FRMPD4: variants seen among roughly 807,000 people sequenced by gnomAD.
The protein encoded by FRMPD4 is FERM and PDZ domain containing 4, also known as FERM and PDZ domain-containing protein 4.
In FRMPD4, 22 loss-of-function variants were observed where a neutral mutation model predicts 94.1. The ratio of observed to expected loss-of-function variants is 0.23; its 90% CI spans 0.17 to 0.33. The LOEUF is 0.33. FRMPD4 is among the 10% of genes least tolerant of loss of function. The pLI is 1.00. For synonymous variants in FRMPD4, 631 were observed against 548.6 expected (o/e 1.15, Z -2.10); for missense variants, 1,111 against 1,339.9 (o/e 0.83, Z 2.67).
intron 1 of FRMPD4, among the ~76,000 whole-genome samples, chrX:12,446,304 C>A (rs1313194100): frequency 8.9e-6 from 1 of 112,353 alleles, no homozygotes; most frequent in Non-Finnish European, 1.9e-5. Flanking sequence ...GTCTATTTAA[C>A]TTTTCATACT....
At chrX:12,265,882 A>G (rs2054264849) in intron 1 of FRMPD4, among the ~76,000 whole-genome samples, 1 of 108,617 alleles carries the variant, frequency 9.2e-6, no homozygotes, top group African/African-American at 3.4e-5. Context: ...TAATCCCAGC[A>G]CTTTGGGAGG....
intron 4 of FRMPD4, among the ~76,000 whole-genome samples, chrX:12,670,515 G>A (rs1277768207): frequency 2.7e-5 from 3 of 112,214 alleles, no homozygotes; most frequent in East Asian, 2.8e-4. Flanking sequence ...TTAATAAATG[G>A]TGTTGGGAAA....
At chrX:12,015,759 A>G (rs1434317021) in intron 3 of FRMPD4, among the ~76,000 whole-genome samples, 1 of 112,143 alleles carries the variant, frequency 8.9e-6, no homozygotes, top group Non-Finnish European at 1.9e-5. Context: ...TTTGCCTATC[A>G]TCCTGTTTCT....
At chrX:11,878,672 C>T (rs901655281) in intron 3 of FRMPD4, among the ~76,000 whole-genome samples, 2 of 112,010 alleles carry the variant, frequency 1.8e-5, no homozygotes, top group Admixed American at 9.5e-5. Flanking sequence ...TAATTCTTTT[C>T]TTGGGGTTGT....
At chrX:12,364,030 T>G (rs1055671700) in intron 1 of FRMPD4, among the ~76,000 whole-genome samples, 5 of 111,649 alleles carry the variant, frequency 4.5e-5, no homozygotes, top group African/African-American at 1.6e-4. Context: ...GTTTAGAATC[T>G]ATGAGGTGTC....
rs960272289 is a variant in FRMPD4 at position 12,305,747 on chromosome X, T to G, written c.41+166735T>G. Among the ~76,000 whole-genome samples, 10 of 91,715 alleles carry G rather than the reference T, an allele frequency of 1.1e-4. No individual in the cohort carries two copies. The Admixed American group carries it at 1.3e-3, about 12-fold the overall frequency. The allele number at this position is 91,715 out of a possible 115,157, so 79.6% of individuals were successfully genotyped here. A position where few individuals can be genotyped will look rare whatever the true frequency, so the allele number is the denominator to read the frequency against. ...TAAGTTTTTTTTTTTTTTTTTTTTT[T>G]ACAGAGACAGGGTCTCACTATGTTG... On this transcript the variant is annotated intron_variant, in intron 1 of 16. Coordinates refer to ENST00000675598, the MANE Select transcript of FRMPD4 (RefSeq NM_001368397.1).
At chrX:11,947,287 T>C (rs970890104) in intron 3 of FRMPD4, among the ~76,000 whole-genome samples, 1 of 112,285 alleles carries the variant, frequency 8.9e-6, no homozygotes, top group Non-Finnish European at 1.9e-5. Flanking sequence ...TTTACTTGAA[T>C]ATTTGAATCA....
chrX:11,841,881 G>A (rs1217412721), intron 1 of FRMPD4, among the ~76,000 whole-genome samples: 1 of 109,555 alleles, frequency 9.1e-6, no homozygotes, highest in Non-Finnish European at 1.9e-5. Context: ...ATGGTTTTAG[G>A]TCTAACGTTT....
At chrX:12,517,935 C>T (rs777743836) in intron 2 of FRMPD4, among the ~76,000 whole-genome samples, 1 of 112,249 alleles carries the variant, frequency 8.9e-6, no homozygotes, top group African/African-American at 3.2e-5. Context: ...TAGGCCCCGC[C>T]CGGTGAGTAG....
chrX:12,211,891 G>T (rs1051864986), intron 1 of FRMPD4, among the ~76,000 whole-genome samples: 7 of 111,837 alleles, frequency 6.3e-5, no homozygotes, highest in African/African-American at 2.3e-4. Context: ...AGCTTAAAAT[G>T]GCAAAACTAA....
chrX:12,168,675 G>C (rs1298162824), intron 1 of FRMPD4, among the ~76,000 whole-genome samples: 1 of 97,544 alleles, frequency 1.0e-5, no homozygotes, highest in Non-Finnish European at 2.0e-5. Context: ...ACCCAGGCTG[G>C]AGTGCAGTGG....
intron 1 of FRMPD4, among the ~76,000 whole-genome samples, chrX:11,828,621 T>C (rs1308801370): frequency 8.9e-6 from 1 of 111,933 alleles, no homozygotes; most frequent in African/African-American, 3.2e-5. Context: ...AGTGGGCAAA[T>C]GCTGCTGCTG....
intron 3 of FRMPD4, among the ~76,000 whole-genome samples, chrX:12,008,460 G>A (rs989537713): frequency 3.7e-4 from 42 of 112,370 alleles, no homozygotes; most frequent in African/African-American, 1.2e-3. Flanking sequence ...ATTGGGCTAA[G>A]GGGTACTTCA....
chrX:11,837,212 TACTG>T (rs139512044), intron 1 of FRMPD4, among the ~76,000 whole-genome samples: 29,901 of 110,963 alleles, frequency 0.27, 3,050 homozygotes, highest in Middle Eastern at 0.35. Context: ...TGAATTATAT[TACTG>T]ACTATGAATT....
At chrX:11,984,152 A>G (rs1254792018) in intron 3 of FRMPD4, among the ~76,000 whole-genome samples, 2 of 112,539 alleles carry the variant, frequency 1.8e-5, no homozygotes, top group African/African-American at 6.4e-5. Context: ...GTCATGTTGC[A>G]GAAGGACTCT....
chrX:11,890,403 C>T (rs916799577), intron 3 of FRMPD4, among the ~76,000 whole-genome samples: 2 of 111,274 alleles, frequency 1.8e-5, no homozygotes, highest in Non-Finnish European at 3.8e-5. Flanking sequence ...TAAAGTGTGC[C>T]GAGACTCTCC....
At chrX:12,466,039 A>G (rs760664878) in intron 1 of FRMPD4, among the ~76,000 whole-genome samples, 5 of 111,346 alleles carry the variant, frequency 4.5e-5, no homozygotes, top group Non-Finnish European at 7.5e-5. Flanking sequence ...GGCTTTGGGT[A>G]TCTATAAAAT....
chrX:12,167,180 G>A (rs776055024), intron 1 of FRMPD4, among the ~76,000 whole-genome samples: 19 of 111,440 alleles, frequency 1.7e-4, no homozygotes, highest in South Asian at 3.7e-4. Context: ...GCTTTCTCTC[G>A]TGGGCATTTA....
chrX:12,438,178 A>G (rs1601942988), intron 1 of FRMPD4, among the ~76,000 whole-genome samples: 2 of 111,114 alleles, frequency 1.8e-5, no homozygotes, highest in African/African-American at 3.3e-5. Context: ...GTGACGTTAT[A>G]AGGGAAACTA....
Sources: gnomAD v4.1 joint callset for allele counts (sites outside exome capture counted in the v4.1 genomes callset) on GRCh38, gnomAD v4.1.1 for gene constraint, MANE v1.5 for transcripts, NCBI Gene and HGNC (gene_info 2026-07-23, HGNC 2026-07-21) for gene names.